Variants in SKAP2 observed in about 807,000 individuals in gnomAD.
SKAP2 encodes src kinase associated phosphoprotein 2, also known as src kinase-associated phosphoprotein 2.
In SKAP2, 28 loss-of-function variants were observed where a neutral mutation model predicts 54.9. The observed-to-expected ratio is 0.51, with a 90% confidence interval of 0.38 to 0.70. The LOEUF is 0.70. Ranked by LOEUF, SKAP2 falls within the 30% of genes least tolerant of loss-of-function variation. SKAP2 has a pLI of 0.00. For synonymous variants in SKAP2, 137 were observed against 134.3 expected (o/e 1.02, Z -0.14); for missense variants, 356 against 424.1 (o/e 0.84, Z 1.41).
At chr7:26,727,222 T>C (rs546341442) in intron 6 of SKAP2, among the ~76,000 whole-genome samples, 63 of 152,084 alleles carry the variant, frequency 4.1e-4, no homozygotes, top group Non-Finnish European at 6.5e-4. Flanking sequence ...CTGCAGATCA[T>C]GGTCTTATTT....
At chr7:26,786,109 C>T (rs1562609684) in intron 4 of SKAP2, among the ~76,000 whole-genome samples, 1 of 152,210 alleles carries the variant, frequency 6.6e-6, no homozygotes, top group East Asian at 1.9e-4. Flanking sequence ...ACAGGGGCTC[C>T]TCTTGTCTGG....
chr7:26,720,478 T>A (rs1040417261), intron 9 of SKAP2, among the ~76,000 whole-genome samples: 3 of 152,220 alleles, frequency 2.0e-5, no homozygotes, highest in East Asian at 3.9e-4. Context: ...GTGACCCTAT[T>A]TTATGAATGA....
intron 10 of SKAP2, among the ~76,000 whole-genome samples, chr7:26,688,638 A>C (rs1157170681): frequency 6.6e-6 from 1 of 152,222 alleles, no homozygotes; most frequent in African/African-American, 2.4e-5. Flanking sequence ...ACTAAAGATA[A>C]GAATTATTGT....
chr7:26,713,102 A>G (rs1425164037), intron 9 of SKAP2, among the ~76,000 whole-genome samples: 4 of 152,230 alleles, frequency 2.6e-5, no homozygotes, highest in Admixed American at 2.6e-4. Context: ...CTGCCTGGCT[A>G]CATATGGCCC....
downstream of SKAP2, among the ~76,000 whole-genome samples, chr7:26,665,127 A>G (rs1367624542): frequency 2.0e-5 from 3 of 152,206 alleles, no homozygotes; most frequent in African/African-American, 7.2e-5. Context: ...GACAGCTAGA[A>G]TGCTTTCAAG....
downstream of SKAP2, among the ~76,000 whole-genome samples, chr7:26,664,292 A>G (rs541937272): frequency 1.1e-4 from 16 of 152,284 alleles, no homozygotes; most frequent in Middle Eastern, 3.4e-3. Flanking sequence ...GAATTGAATG[A>G]AAAGTGCACA....
intron 6 of SKAP2, among the ~76,000 whole-genome samples, chr7:26,727,993 T>A (rs1787743344): frequency 6.6e-6 from 1 of 152,076 alleles, no homozygotes; most frequent in Non-Finnish European, 1.5e-5. Context: ...AAAAGATACA[T>A]CTCCTTTTCT....
At position 26,744,453 on chromosome 7, in the gene SKAP2, C is replaced by A. The variant is rs190001722; in HGVS notation, c.308-4489G>T. On this transcript the variant is annotated intron_variant, in intron 4 of 12. Coordinates refer to ENST00000345317, the MANE Select transcript of SKAP2 (RefSeq NM_003930.5). The stretch of plus-strand genomic sequence containing the variant: ...GAAAAATGTGTCTAGATCACAGAAG[C>A]TTCACTCAGAAGACAAGGCCTAGAA... Among the ~76,000 whole-genome samples, 365 of 152,016 alleles carry A rather than the reference C, an allele frequency of 2.4e-3. 1 individual carries two copies. Among genetic ancestry groups the A allele is most frequent in the African/African-American group, 7.6e-3 (315 of 41,482 alleles).
At chr7:26,851,735 AG>A (rs1317740469) in intron 3 of SKAP2, among the ~76,000 whole-genome samples, 3 of 147,580 alleles carry the variant, frequency 2.0e-5, no homozygotes, top group Non-Finnish European at 3.0e-5. Context: ...AAAAAAAAAA[AG>A]AAATACCTCA....
chr7:26,661,567 C>A, the SKAP2 span, among the ~76,000 whole-genome samples: 6 of 152,090 alleles, frequency 3.9e-5, no homozygotes, highest in African/African-American at 1.4e-4. Context: ...ACAGAAGTAA[C>A]ATCTCTGTGA....
chr7:26,864,523 G>T lies in SKAP2; in HGVS notation c.-94C>A. On this transcript the variant is annotated 5_prime_UTR_variant, in exon 1 of 13. Transcript: ENST00000345317. ...GCTGCGACCTAGACTCAGGCTAGCG[G>T]CCCGGATTAAGAACAGCGGGGCTAC... The T allele has an allele frequency of 6.7e-7, 1 of 1,490,582 alleles. No homozygotes were observed. The highest frequency in any genetic ancestry group is 8.9e-7 in the Non-Finnish European group (1 of 1,121,638). The allele number at this position is 1,490,582 out of a possible 1,614,324, so 92.3% of individuals were successfully genotyped here.
chr7:26,794,883 C>A (rs1358260015), intron 4 of SKAP2, among the ~76,000 whole-genome samples: 2 of 152,182 alleles, frequency 1.3e-5, no homozygotes, highest in Non-Finnish European at 2.9e-5. Flanking sequence ...GTCCAGCCAG[C>A]CACCACTGGA....
chr7:26,710,238 C>T (rs961588101), intron 9 of SKAP2, among the ~76,000 whole-genome samples: 3 of 152,080 alleles, frequency 2.0e-5, no homozygotes, highest in Non-Finnish European at 2.9e-5. Flanking sequence ...GAGGAGTTTG[C>T]AAATATAATA....
chr7:26,764,733 A>T (rs1562602001), intron 4 of SKAP2, among the ~76,000 whole-genome samples: 1 of 152,126 alleles, frequency 6.6e-6, no homozygotes, highest in South Asian at 2.1e-4. Flanking sequence ...TCCTAATATT[A>T]TCTAACACGG....
chr7:26,824,964 C>G (rs1030760539), intron 4 of SKAP2, among the ~76,000 whole-genome samples: 10 of 152,116 alleles, frequency 6.6e-5, no homozygotes, highest in African/African-American at 1.9e-4. Flanking sequence ...TAAATATACT[C>G]TTGTGGTTTT....
intron 4 of SKAP2, among the ~76,000 whole-genome samples, chr7:26,786,349 A>T (rs1308922486): frequency 6.6e-6 from 1 of 152,252 alleles, no homozygotes; most frequent in Non-Finnish European, 1.5e-5. Flanking sequence ...CATTCTAGTG[A>T]GGAGAAACAA....
intron 10 of SKAP2, among the ~76,000 whole-genome samples, chr7:26,686,701 A>G (rs212853): frequency 0.58 from 88,698 of 152,064 alleles, 26,289 homozygotes; most frequent in East Asian, 0.88. Flanking sequence ...GATTAAATCA[A>G]TTGGTAAATG....
chr7:26,698,559 C>T (rs1786948987), intron 9 of SKAP2, among the ~76,000 whole-genome samples: 1 of 152,184 alleles, frequency 6.6e-6, no homozygotes, highest in South Asian at 2.1e-4. Context: ...TAATTATTTT[C>T]ACCTAATATC....
chr7:26,723,530 A>G (rs1409364305), intron 9 of SKAP2, among the ~76,000 whole-genome samples: 1 of 152,174 alleles, frequency 6.6e-6, no homozygotes. Context: ...GTTACTTCCA[A>G]CAATTATGTG....
Sources: gnomAD v4.1 joint callset for allele counts (sites outside exome capture counted in the v4.1 genomes callset) on GRCh38, gnomAD v4.1.1 for gene constraint, MANE v1.5 for transcripts, NCBI Gene and HGNC (gene_info 2026-07-23, HGNC 2026-07-21) for gene names.